The following ENPEP variants were observed in gnomAD, a reference collection of about 807,000 sequenced individuals.
ENPEP encodes the protein AP-A.
Under a neutral mutation model 114.5 loss-of-function variants are expected in ENPEP, and 103 were observed. The ratio of observed to expected loss-of-function variants is 0.90; its 90% CI spans 0.77 to 1.06. ENPEP has a LOEUF of 1.06. ENPEP is among the 50% of genes least tolerant of loss of function. ENPEP has a pLI of 0.00. For missense variants in ENPEP, 1,196 were observed against 1,161.3 expected (o/e 1.03, Z -0.43); for synonymous variants, 420 against 422.0 (o/e 1.00, Z 0.06).
chr4:110,496,641 C>T (rs1307465597), intron 3 of ENPEP, among the ~76,000 whole-genome samples: 1 of 152,112 alleles, frequency 6.6e-6, no homozygotes, highest in Admixed American at 6.5e-5. Flanking sequence ...TGACATTTCT[C>T]AGTTTTTTTC....
intron 2 of ENPEP, among the ~76,000 whole-genome samples, chr4:110,489,428 G>A (rs994338795): frequency 6.6e-6 from 1 of 152,124 alleles, no homozygotes; most frequent in Non-Finnish European, 1.5e-5. Context: ...GGCTAGGGGA[G>A]CGACAGCATT....
chr4:110,550,357 A>C (rs1727242011), intron 17 of ENPEP, among the ~76,000 whole-genome samples: 1 of 151,898 alleles, frequency 6.6e-6, no homozygotes, highest in Non-Finnish European at 1.5e-5. Flanking sequence ...TGTGAGTCAC[A>C]CTCTGGGTCT....
At chr4:110,533,279 T>C (rs1560565579) in intron 11 of ENPEP, 1 of 255,514 alleles carries the variant, frequency 3.9e-6, no homozygotes, top group South Asian at 4.3e-5. Context: ...GAGTTCACAA[T>C]AGACATTGTT....
chr4:110,478,207 C>T (rs1483186627), intron 1 of ENPEP, among the ~76,000 whole-genome samples: 1 of 152,144 alleles, frequency 6.6e-6, no homozygotes, highest in African/African-American at 2.4e-5. Context: ...GACAGACCCA[C>T]GGACTAAAAC....
intron 10 of ENPEP, among the ~76,000 whole-genome samples, chr4:110,523,259 A>G (rs1726072583): frequency 6.6e-6 from 1 of 152,148 alleles, no homozygotes; most frequent in African/African-American, 2.4e-5. Flanking sequence ...TTCTCACAAG[A>G]TCTGATGGTT....
rs377447470 is a variant in ENPEP at position 110,561,569 on chromosome 4, T to C, written c.*11T>C. The C allele has an allele frequency of 2.5e-6, 4 of 1,602,830 alleles. No homozygotes were observed. In the African/African-American group the frequency reaches 4.1e-5, roughly 16 times the overall value. On this transcript the variant is annotated 3_prime_UTR_variant, in exon 20 of 20. Transcript: ENST00000265162. ...CTTGAGAGTGGTTAATGTATTCAAATGTTAGAGTTTAATTTTGTGAATCTA... is the reference window on the plus strand; with the variant it reads ...CTTGAGAGTGGTTAATGTATTCAAACGTTAGAGTTTAATTTTGTGAATCTA...
chr4:110,503,768 G>T (rs1349515130), intron 3 of ENPEP, among the ~76,000 whole-genome samples: 1 of 152,172 alleles, frequency 6.6e-6, no homozygotes, highest in East Asian at 1.9e-4. Flanking sequence ...GTTTTCAGAG[G>T]ACGAAGTGTT....
intron 10 of ENPEP, among the ~76,000 whole-genome samples, chr4:110,522,576 C>G (rs992083233): frequency 2.0e-5 from 3 of 152,156 alleles, no homozygotes; most frequent in African/African-American, 7.2e-5. Flanking sequence ...ACAGACCCCA[C>G]TTAGTAAACA....
intron 3 of ENPEP, among the ~76,000 whole-genome samples, chr4:110,502,598 T>A (rs1322449802): frequency 2.0e-5 from 3 of 152,222 alleles, no homozygotes; most frequent in Non-Finnish European, 4.4e-5. Context: ...TATGGCATTA[T>A]TTCTGGGCTC....
intron 14 of ENPEP, 86 bp from the exon 15 acceptor site, chr4:110,549,260 A>T: frequency 9.2e-7 from 1 of 1,083,712 alleles, no homozygotes; most frequent in Non-Finnish European, 1.4e-6. Flanking sequence ...AAAACAGATT[A>T]TAACAGGGGC....
intron 3 of ENPEP, among the ~76,000 whole-genome samples, chr4:110,492,968 C>T (rs1356817362): frequency 1.3e-5 from 2 of 151,982 alleles, no homozygotes; most frequent in African/African-American, 4.8e-5. Flanking sequence ...GGTAGAAATA[C>T]CAAGAGGAAA....
intron 11 of ENPEP, among the ~76,000 whole-genome samples, chr4:110,541,650 C>T (rs79469555): frequency 0.038 from 5,725 of 152,218 alleles, 156 homozygotes; most frequent in Non-Finnish European, 0.06. Flanking sequence ...GCTTAAAACT[C>T]TTTTCCCCTC....
intron 1 of ENPEP, 142 bp downstream of exon 1, chr4:110,477,200 C>A (rs1311299541): frequency 2.5e-6 from 3 of 1,188,882 alleles, no homozygotes; most frequent in South Asian, 3.3e-5. Flanking sequence ...GGCTGTCCAT[C>A]TGGGAAGCCA....
In ENPEP at chr4:110,562,728, T is replaced by C. The variant is rs1727718823; in HGVS notation, c.*1170T>C. 1 of 152,192 alleles carries C rather than the reference T, an allele frequency of 6.6e-6. No individual in the cohort carries two copies. Among genetic ancestry groups the C allele is most frequent in the Non-Finnish European group, 1.5e-5 (1 of 68,008 alleles). The allele number at this position is 152,192 out of a possible 1,614,324, so 9.4% of individuals were successfully genotyped here. ...GGCAAGAATATGTTTAATATGGCAC[T>C]TGATACCTCCTAGATCCATAATGTA... On this transcript the variant is annotated 3_prime_UTR_variant, in exon 20 of 20. Transcript: ENST00000265162.
chr4:110,484,112 A>G (rs1724412385), intron 1 of ENPEP, among the ~76,000 whole-genome samples: 1 of 152,210 alleles, frequency 6.6e-6, no homozygotes. Context: ...TGAAAGTGCT[A>G]TGTCAGAAAG....
chr4:110,545,548 G>A (rs1035805943), intron 13 of ENPEP, among the ~76,000 whole-genome samples: 6 of 152,100 alleles, frequency 3.9e-5, no homozygotes, highest in South Asian at 2.1e-4. Flanking sequence ...TATGTCTCCC[G>A]AGTCACCGTG....
At chr4:110,500,518 G>A (rs1725113940) in intron 3 of ENPEP, among the ~76,000 whole-genome samples, 1 of 152,120 alleles carries the variant, frequency 6.6e-6, no homozygotes. Context: ...TTAGGTTCTT[G>A]AAGACTTATA....
rs1024627845 is a variant in ENPEP at position 110,509,509 on chromosome 4, C to T, written c.1040-144C>T. The T allele has an allele frequency of 3.0e-5, 31 of 1,046,198 alleles. 1 individual carries two copies. The highest frequency in any genetic ancestry group is 9.7e-5 in the South Asian group (5 of 51,472). The allele number at this position is 1,046,198 out of a possible 1,614,324, so 64.8% of individuals were successfully genotyped here. A position where few individuals can be genotyped will look rare whatever the true frequency, so the allele number is the denominator to read the frequency against. On this transcript the variant is annotated intron_variant, in intron 4 of 19. Transcript: ENST00000265162. ...TTGAGTGCATTAGGACTGAAATGTT[C>T]GCACACATGATTACAGTTCTTTACT...
Position 110,488,609 on chromosome 4 carries a change from AC to A in ENPEP, c.714del (p.Asn238LysfsTer45), listed in dbSNP as rs745398315. 6.2e-7 allele frequency: 1 copy of A among 1,614,056 alleles called. No individual in the cohort carries two copies. The highest frequency in any genetic ancestry group is 8.5e-7 in the Non-Finnish European group (1 of 1,179,976). ...RKSFPCFDEP[N>X]KKATYTISIT... ...TCTTTTCCTTGTTTTGATGAGCCCA[AC>A]AAAAAGGCAACTTATACAATATCTA... On this transcript the variant is annotated frameshift_variant, in exon 2 of 20. Coordinates refer to ENST00000265162, the MANE Select transcript of ENPEP (RefSeq NM_001977.4). LOFTEE classifies it high-confidence loss of function.
Sources: gnomAD v4.1 joint callset for allele counts (sites outside exome capture counted in the v4.1 genomes callset) on GRCh38, gnomAD v4.1.1 for gene constraint, MANE v1.5 for transcripts, NCBI Gene and HGNC (gene_info 2026-07-23, HGNC 2026-07-21) for gene names.